The following IGSF3 variants were observed in gnomAD, a reference collection of about 807,000 sequenced individuals.
The protein encoded by IGSF3 is glu-Trp-Ile EWI motif-containing protein 3.
A neutral mutation model predicts 114.4 loss-of-function variants in IGSF3; 23 were observed. That is an observed-to-expected ratio of 0.20 (90% confidence interval 0.14 to 0.28). IGSF3 has a LOEUF of 0.28. IGSF3 is among the 10% of genes least tolerant of loss of function. The probability of loss-of-function intolerance (pLI) is 1.00; values close to 1 mark genes in which losing one functional copy is unlikely to be tolerated. For missense variants in IGSF3, 1,172 were observed against 1,591.5 expected (o/e 0.74, Z 4.48); for synonymous variants, 571 against 645.2 (o/e 0.88, Z 1.74).
Position 116,650,185 on chromosome 1 carries a change from T to C in IGSF3, c.43+16099A>G, listed in dbSNP as rs554970457. Among the ~76,000 whole-genome samples the C allele has an allele frequency of 1.9e-4, 29 of 152,310 alleles. No individual in the cohort carries two copies. The highest frequency in any genetic ancestry group is 6.5e-4 in the African/African-American group (27 of 41,562). On this transcript the variant is annotated intron_variant, in intron 2 of 10. Transcript: ENST00000369486. This position sits in a 1 kb window ranked among gnomAD's most constrained non-coding sequence, Gnocchi z 5.0. Reference sequence around the variant, plus strand: ...TCTAACATAGGTTAGACACTATAAGTAGTAGAAAATTCCAACTCAACTGGC... The same window carrying C: ...TCTAACATAGGTTAGACACTATAAGCAGTAGAAAATTCCAACTCAACTGGC...
rs1571114681 is a variant in IGSF3, at chr1:116,582,407, C to G, written c.2848+2238G>C. On this transcript the variant is annotated intron_variant, in intron 9 of 10. Transcript: ENST00000369486. The surrounding 1 kb of genome is among the most constrained non-coding windows in gnomAD (Gnocchi z 4.7). ...GATGATTGTGGTTTTCTCCCTTCCC[C>G]AGTTGTGTGAGCCCAACACAACTAC... Among the ~76,000 whole-genome samples the G allele has an allele frequency of 1.3e-5, 2 of 152,222 alleles. No individual in the cohort carries two copies. The highest frequency in any genetic ancestry group is 4.8e-5 in the African/African-American group (2 of 41,454).
rs1661185688 is a variant in IGSF3, at chr1:116,615,602, C to T, written c.421+478G>A. Among the ~76,000 whole-genome samples the T allele has an allele frequency of 6.6e-6, 1 of 152,172 alleles. No individual in the cohort carries two copies. The highest frequency in any genetic ancestry group is 1.5e-5 in the Non-Finnish European group (1 of 68,028). On this transcript the variant is annotated intron_variant, in intron 3 of 10. Coordinates refer to ENST00000369486, the MANE Select transcript of IGSF3 (RefSeq NM_001007237.3). The surrounding 1 kb of genome is among the most constrained non-coding windows in gnomAD (Gnocchi z 4.3). Reference sequence around the variant, plus strand: ...GAGACAGCCAGTTCATAGTTCCTTACGCATGGAGCCAAAGGACCTTCAATG... The same window carrying T: ...GAGACAGCCAGTTCATAGTTCCTTATGCATGGAGCCAAAGGACCTTCAATG...
rs1012738572 is a variant in IGSF3, at chr1:116,607,313, A to G, written c.1222+629T>C. Reference sequence around the variant, plus strand: ...ACCCACCCACACAAGGCCAGTCTACATGAAGGCTGGGGAGCCCACTGAGGC... The same window carrying G: ...ACCCACCCACACAAGGCCAGTCTACGTGAAGGCTGGGGAGCCCACTGAGGC... On this transcript the variant is annotated intron_variant, in intron 5 of 10. Coordinates refer to ENST00000369486, the MANE Select transcript of IGSF3 (RefSeq NM_001007237.3). This position sits in a 1 kb window ranked among gnomAD's most constrained non-coding sequence, Gnocchi z 6.1. Among the ~76,000 whole-genome samples the G allele has an allele frequency of 1.6e-4, 12 of 73,834 alleles. No homozygotes were observed. Among genetic ancestry groups the G allele is most frequent in the African/African-American group, 1.4e-3 (11 of 7,788 alleles). The allele number at this position is 73,834 out of a possible 152,430, so 48.4% of individuals were successfully genotyped here. A position where few individuals can be genotyped will look rare whatever the true frequency, so the allele number is the denominator to read the frequency against.
In IGSF3 at chr1:116,589,795, CTCAA is replaced by C. The variant is rs1360213150; in HGVS notation, c.2030-695_2030-692del. ...CAGGGCAGGGATCAAACTCCTTCCA[CTCAA>C]TCAGCCAGTATTTACGGAGTGCCCA... On this transcript the variant is annotated intron_variant, in intron 7 of 10. Transcript: ENST00000369486. This position sits in a 1 kb window ranked among gnomAD's most constrained non-coding sequence, Gnocchi z 5.7. Among the ~76,000 whole-genome samples, 1 of 152,220 alleles carries C rather than the reference CTCAA, an allele frequency of 6.6e-6. No homozygotes were observed. The highest frequency in any genetic ancestry group is 1.5e-5 in the Non-Finnish European group (1 of 68,048).
intron 2 of IGSF3, among the ~76,000 whole-genome samples, chr1:116,656,582 A>C (rs567726659): frequency 6.6e-6 from 1 of 151,950 alleles, no homozygotes; most frequent in East Asian, 1.9e-4. Flanking sequence ...GACTTTCTAC[A>C]TTCTTGTAAC....
At chr1:116,620,793 T>C (rs1188554513) in intron 2 of IGSF3, among the ~76,000 whole-genome samples, 2 of 152,168 alleles carry the variant, frequency 1.3e-5, no homozygotes, top group African/African-American at 4.8e-5. Context: ...CAGGCTAGAG[T>C]GCAGTGGTGC....
In IGSF3 at chr1:116,603,285, GCCA is replaced by G. The variant is rs1162100517; in HGVS notation, c.1624+336_1624+338del. On this transcript the variant is annotated intron_variant, in intron 6 of 10. Transcript: ENST00000369486. The surrounding 1 kb of genome is among the most constrained non-coding windows in gnomAD (Gnocchi z 7.1). The stretch of plus-strand genomic sequence containing the variant: ...CAGTGGCCATGCTCCTCCACCTGGG[GCCA>G]CCACTATGGCTGGGTGGCTTCACTA... Among the ~76,000 whole-genome samples, 1 of 152,136 alleles carries G rather than the reference GCCA, an allele frequency of 6.6e-6. No homozygotes were observed. Among genetic ancestry groups the G allele is most frequent in the Non-Finnish European group, 1.5e-5 (1 of 68,006 alleles).
In IGSF3 at chr1:116,618,660, T is replaced by C. The variant is rs555689410; in HGVS notation, c.44-2203A>G. On this transcript the variant is annotated intron_variant, in intron 2 of 10. Transcript: ENST00000369486. This position sits in a 1 kb window ranked among gnomAD's most constrained non-coding sequence, Gnocchi z 4.7. Reference sequence around the variant, plus strand: ...ACACAAGAATGAAATTGCCGAATGATGCACTTCTTAAAACATGTCCCCATC... The same window carrying C: ...ACACAAGAATGAAATTGCCGAATGACGCACTTCTTAAAACATGTCCCCATC... Among the ~76,000 whole-genome samples the C allele has an allele frequency of 6.6e-5, 10 of 152,344 alleles. No homozygotes were observed. The highest frequency in any genetic ancestry group is 2.4e-4 in the African/African-American group (10 of 41,578).
chr1:116,662,474 T>C lies in IGSF3; in HGVS notation c.43+3810A>G, dbSNP rs114572075. The stretch of plus-strand genomic sequence containing the variant: ...GGGTTGTTTTGAAGACTGATTGATA[T>C]AGTTGGGTCACAGTAAGGGCTAGAG... On this transcript the variant is annotated intron_variant, in intron 2 of 10. Coordinates refer to ENST00000369486, the MANE Select transcript of IGSF3 (RefSeq NM_001007237.3). This position sits in a 1 kb window ranked among gnomAD's most constrained non-coding sequence, Gnocchi z 4.3. Among the ~76,000 whole-genome samples, 526 of 152,298 alleles carry C rather than the reference T, an allele frequency of 3.5e-3. 3 individuals are homozygous for C. Among genetic ancestry groups the C allele is most frequent in the African/African-American group, 0.012 (507 of 41,560 alleles).
intron 2 of IGSF3, among the ~76,000 whole-genome samples, chr1:116,663,633 T>A (rs1287289798): frequency 6.6e-6 from 1 of 152,000 alleles, no homozygotes; most frequent in African/African-American, 2.4e-5. Context: ...GGAATCAGTA[T>A]CCCAACAGAC....
At chr1:116,630,257 G>A (rs1450976675) in intron 2 of IGSF3, among the ~76,000 whole-genome samples, 1 of 152,160 alleles carries the variant, frequency 6.6e-6, no homozygotes, top group Non-Finnish European at 1.5e-5. Flanking sequence ...TCCTAATTAG[G>A]GGCAAGATCA....
rs749623685 is a variant in IGSF3, at chr1:116,665,146, G to A, written c.43+1138C>T. On this transcript the variant is annotated intron_variant, in intron 2 of 10. Coordinates refer to ENST00000369486, the MANE Select transcript of IGSF3 (RefSeq NM_001007237.3). The surrounding 1 kb of genome is among the most constrained non-coding windows in gnomAD (Gnocchi z 4.0). ...TATTGACATTCAGATGTCAATCATGGTGAAGCTGGGATAGGAACTCAGGTC... is the reference window on the plus strand; with the variant it reads ...TATTGACATTCAGATGTCAATCATGATGAAGCTGGGATAGGAACTCAGGTC... 2.0e-5 allele frequency among the ~76,000 whole-genome samples: 3 copies of A among 152,104 alleles called. No homozygotes were observed. Among genetic ancestry groups the A allele is most frequent in the Non-Finnish European group, 4.4e-5 (3 of 68,032 alleles).
Position 116,667,713 on chromosome 1 carries a change from A to T in IGSF3, c.-726T>A, listed in dbSNP as rs1457562204. ...GACGCGCCGCTTCCTCTTCTCCCGCAACGGCACCAGCAGCCGCGCTGCGGC... is the reference window on the plus strand; with the variant it reads ...GACGCGCCGCTTCCTCTTCTCCCGCTACGGCACCAGCAGCCGCGCTGCGGC... On this transcript the variant is annotated 5_prime_UTR_variant, in exon 1 of 11. Transcript: ENST00000369486. 2 of 151,336 alleles carry T rather than the reference A, an allele frequency of 1.3e-5. No individual in the cohort carries two copies. Among genetic ancestry groups the T allele is most frequent in the Admixed American group, 6.6e-5 (1 of 15,204 alleles). 9.4% of individuals were successfully genotyped at this position (151,336 alleles called of 1,614,324 possible). A position where few individuals can be genotyped will look rare whatever the true frequency, so the allele number is the denominator to read the frequency against.
Position 116,642,179 on chromosome 1 carries a change from CCA to C in IGSF3, c.43+24103_43+24104del, listed in dbSNP as rs1648136910. On this transcript the variant is annotated intron_variant, in intron 2 of 10. Transcript: ENST00000369486. The surrounding 1 kb of genome is among the most constrained non-coding windows in gnomAD (Gnocchi z 5.4). The stretch of plus-strand genomic sequence containing the variant: ...AAATATAGAACATTTCATTTTTTTC[CCA>C]CACACCTCGCATCTGATTTTTGATT... 6.6e-6 allele frequency among the ~76,000 whole-genome samples: 1 copy of C among 151,650 alleles called. No individual in the cohort carries two copies. Among genetic ancestry groups the C allele is most frequent in the Non-Finnish European group, 1.5e-5 (1 of 67,916 alleles).
At chr1:116,631,109 G>A (rs1211073648) in intron 2 of IGSF3, among the ~76,000 whole-genome samples, 4 of 151,938 alleles carry the variant, frequency 2.6e-5, no homozygotes, top group Admixed American at 6.6e-5. Flanking sequence ...ATGAGGTCAG[G>A]AGATCGAGAC....
chr1:116,588,808 C>G lies in IGSF3; in HGVS notation c.2326G>C (p.Asp776His), dbSNP rs768697516. ...SLTVQRAEVS[D>H]SGSYYCHVEE... ...ACGTGGCAGTAGTAGCTGCCGCTGT[C>G]GCTGACCTCGGCTCTCTGGACGGTG... The change falls in exon 8 of 11, where the codon GAC becomes CAC. Residue 776 changes from aspartate to histidine, a missense_variant. By Grantham distance (81) the Asp-to-His change is moderately conservative. This residue lies in a region of IGSF3 where 736 missense variants were observed against 1,042.0 expected (regional missense o/e 0.71). Coordinates refer to ENST00000369486, the MANE Select transcript of IGSF3 (RefSeq NM_001007237.3). The surrounding 1 kb of genome is among the most constrained non-coding windows in gnomAD (Gnocchi z 4.9). 2 of 1,614,190 alleles carry G rather than the reference C, an allele frequency of 1.2e-6. No homozygotes were observed. The highest frequency in any genetic ancestry group is 1.7e-6 in the Non-Finnish European group (2 of 1,180,010).
intron 2 of IGSF3, among the ~76,000 whole-genome samples, chr1:116,658,111 G>A (rs1267153265): frequency 6.6e-6 from 1 of 151,092 alleles, no homozygotes; most frequent in African/African-American, 2.4e-5. Flanking sequence ...GTGCAATCTC[G>A]GCTCATCGCA....
At chr1:116,611,833 A>G (rs1366443917) in intron 4 of IGSF3, among the ~76,000 whole-genome samples, 1 of 151,900 alleles carries the variant, frequency 6.6e-6, no homozygotes, top group East Asian at 1.9e-4. Flanking sequence ...TTACTTGTCC[A>G]TTGGCTCTCA....
chr1:116,600,447 C>T lies in IGSF3; in HGVS notation c.1625-102G>A. On this transcript the variant is annotated intron_variant, in intron 6 of 10. Coordinates refer to ENST00000369486, the MANE Select transcript of IGSF3 (RefSeq NM_001007237.3). The surrounding 1 kb of genome is among the most constrained non-coding windows in gnomAD (Gnocchi z 5.5). ...AGCTGGCAAAGCAAGCAGTGTGGGA[C>T]AGAGGCTCTCGGAGCCCCTTTTGAG... is the stretch of plus-strand genomic sequence containing the variant. 1.0e-6 allele frequency: 1 copy of T among 954,300 alleles called. No homozygotes were observed. The highest frequency in any genetic ancestry group is 1.6e-6 in the Non-Finnish European group (1 of 638,612). 59.1% of individuals were successfully genotyped at this position (954,300 alleles called of 1,614,324 possible). A position where few individuals can be genotyped will look rare whatever the true frequency, so the allele number is the denominator to read the frequency against.
Sources: allele counts gnomAD v4.1 joint callset (sites outside exome capture counted in the v4.1 genomes callset), GRCh38; gene constraint gnomAD v4.1.1; regional missense constraint gnomAD v4.1.1; non-coding constraint Gnocchi (gnomAD v3.1); transcripts MANE v1.5; gene names NCBI Gene and HGNC (gene_info 2026-07-23, HGNC 2026-07-21).